Variants in CRMP1 observed in about 807,000 individuals in gnomAD.
CRMP1 encodes the protein collapsin response mediator protein 1.
In CRMP1, 19 loss-of-function variants were observed where a neutral mutation model predicts 68.3. That is an observed-to-expected ratio of 0.28 (90% CI 0.19 to 0.41). The LOEUF (loss-of-function observed/expected upper bound fraction) is 0.41. Ranked by LOEUF, CRMP1 falls within the 10% of genes least tolerant of loss-of-function variation. The pLI, the probability that CRMP1 is intolerant of heterozygous loss-of-function variation, is 1.00. For missense variants in CRMP1, 791 were observed against 967.4 expected (o/e 0.82, Z 2.42); for synonymous variants, 439 against 399.6 (o/e 1.10, Z -1.18).
Position 5,892,767 on chromosome 4 carries a change from C to G in CRMP1, c.203G>C (p.Gly68Ala). ...RGSARTPRSAGRPDAVGLPGP... is the reference protein window; with the variant it reads ...RGSARTPRSAARPDAVGLPGP... ...TGGCAGCCCGACCGCGTCGGGCCGG[C>G]CAGCGCTGCGCGGCGTGCGCGCCGA... Residue 68 changes from glycine to alanine, a missense_variant, in exon 1 of 14, where the codon GGC (glycine) becomes GCC (alanine). Physicochemically the swap from Gly to Ala is moderately conservative, Grantham distance 60. Around this residue, in one of 3 missense-constraint regions of CRMP1, gnomAD observed 193 missense variants for 186.3 expected, o/e 1.04. Transcript: ENST00000324989. This position sits in a 1 kb window ranked among gnomAD's most constrained non-coding sequence, Gnocchi z 8.6. 7.9e-7 allele frequency: 1 copy of G among 1,261,668 alleles called. No individual in the cohort carries two copies. Among genetic ancestry groups the G allele is most frequent in the Non-Finnish European group, 1.0e-6 (1 of 1,003,632 alleles). 78.2% of individuals were successfully genotyped at this position (1,261,668 alleles called of 1,614,324 possible). A position where few individuals can be genotyped will look rare whatever the true frequency, so the allele number is the denominator to read the frequency against.
At position 5,860,487 on chromosome 4, in the gene CRMP1, G is replaced by C. The variant is rs760237073; in HGVS notation, c.655+539C>G. Among the ~76,000 whole-genome samples, 2 of 152,180 alleles carry C rather than the reference G, an allele frequency of 1.3e-5. No homozygotes were observed. Among genetic ancestry groups the C allele is most frequent in the Non-Finnish European group, 2.9e-5 (2 of 68,046 alleles). On this transcript the variant is annotated intron_variant, in intron 3 of 13. Coordinates refer to ENST00000324989, the MANE Select transcript of CRMP1 (RefSeq NM_001014809.3). The surrounding 1 kb of genome is among the most constrained non-coding windows in gnomAD (Gnocchi z 4.2). ...GCGGTGTTATCACAGTATTACTGCA[G>C]CAATACTAATACAACCACTTCCCAG...
Position 5,889,110 on chromosome 4 carries a change from A to T in CRMP1, c.381+3479T>A, listed in dbSNP as rs867671158. 2.6e-5 allele frequency among the ~76,000 whole-genome samples: 4 copies of T among 152,070 alleles called. No homozygotes were observed. The Middle Eastern group carries it at 0.014, about 517-fold the overall frequency. ...ATCTCCAATGCCTTCCCCACCACGA[A>T]GCCTCTCCCTGCCACCCTCTCCATC... is the stretch of plus-strand genomic sequence containing the variant. On this transcript the variant is annotated intron_variant, in intron 1 of 13. Transcript: ENST00000324989. This position sits in a 1 kb window ranked among gnomAD's most constrained non-coding sequence, Gnocchi z 4.5.
At position 5,892,059 on chromosome 4, in the gene CRMP1, G is replaced by C. The variant is rs1013948089; in HGVS notation, c.381+530C>G. 1.3e-5 allele frequency among the ~76,000 whole-genome samples: 2 copies of C among 152,124 alleles called. No homozygotes were observed. The highest frequency in any genetic ancestry group is 2.9e-5 in the Non-Finnish European group (2 of 68,024). On this transcript the variant is annotated intron_variant, in intron 1 of 13. Coordinates refer to ENST00000324989, the MANE Select transcript of CRMP1 (RefSeq NM_001014809.3). The surrounding 1 kb of genome is among the most constrained non-coding windows in gnomAD (Gnocchi z 8.6). ...TCCTTCCCCCCAGCAAGCATGAGGG[G>C]AGCGCTCGGAAAAAAAGCTCCTTCC...
At chr4:5,844,141 G>T (rs770201077) in intron 6 of CRMP1, among the ~76,000 whole-genome samples, 4 of 152,102 alleles carry the variant, frequency 2.6e-5, no homozygotes, top group African/African-American at 4.8e-5. Context: ...TAAGCTCGAG[G>T]TTATTACAAG....
chr4:5,836,245 C>T (rs1379832808), intron 10 of CRMP1, among the ~76,000 whole-genome samples, 160 bp from the exon 11 acceptor site: 2 of 152,192 alleles, frequency 1.3e-5, no homozygotes, highest in Non-Finnish European at 1.5e-5. Context: ...CCCAGAAGGC[C>T]CAGCCTCATC....
At chr4:5,831,977 AG>A (rs1198162724) in intron 11 of CRMP1, among the ~76,000 whole-genome samples, 1 of 152,178 alleles carries the variant, frequency 6.6e-6, no homozygotes, top group East Asian at 1.9e-4. Flanking sequence ...CATCCCTACA[AG>A]GGGGTATTAT....
chr4:5,837,178 C>T (rs986368311), intron 9 of CRMP1, among the ~76,000 whole-genome samples: 1 of 152,134 alleles, frequency 6.6e-6, no homozygotes, highest in African/African-American at 2.4e-5. Flanking sequence ...AAGGGCTGGC[C>T]AGAGTGTTTG....
rs369382490 is a variant in CRMP1 at position 5,855,382 on chromosome 4, C to T, written c.820+761G>A. Among the ~76,000 whole-genome samples, 1 of 152,212 alleles carries T rather than the reference C, an allele frequency of 6.6e-6. No homozygotes were observed. The highest frequency in any genetic ancestry group is 2.4e-5 in the African/African-American group (1 of 41,446). ...GAGGCTGCCTCCTCAGAGGGCTCCC[C>T]GACTGCCCCTTTCTGGACAGATCGC... On this transcript the variant is annotated intron_variant, in intron 4 of 13. Coordinates refer to ENST00000324989, the MANE Select transcript of CRMP1 (RefSeq NM_001014809.3). The surrounding 1 kb of genome is among the most constrained non-coding windows in gnomAD (Gnocchi z 4.9).
chr4:5,827,667 CAT>C (rs1406798665), intron 12 of CRMP1, among the ~76,000 whole-genome samples: 2 of 151,848 alleles, frequency 1.3e-5, no homozygotes, highest in East Asian at 3.9e-4. Flanking sequence ...CATATGCACA[CAT>C]ACACACGTGC....
rs550845713 is a variant in CRMP1 at position 5,833,599 on chromosome 4, C to CCTAA, written c.1623+2312_1623+2315dup. Among the ~76,000 whole-genome samples, 28 of 152,196 alleles carry CCTAA rather than the reference C, an allele frequency of 1.8e-4. No homozygotes were observed. The East Asian group carries it at 4.5e-3, about 24-fold the overall frequency. On this transcript the variant is annotated intron_variant, in intron 11 of 13. Coordinates refer to ENST00000324989, the MANE Select transcript of CRMP1 (RefSeq NM_001014809.3). Reference sequence around the variant, plus strand: ...TTTCTCATTTATCAATAACAATATACCTAACTTAGAAGATCGTGAGGATTA... The same window carrying CCTAA: ...TTTCTCATTTATCAATAACAATATACCTAACTAACTTAGAAGATCGTGAGGATTA...
chr4:5,884,176 A>G (rs1289086326), intron 1 of CRMP1, among the ~76,000 whole-genome samples: 1 of 152,226 alleles, frequency 6.6e-6, no homozygotes, highest in Non-Finnish European at 1.5e-5. Context: ...ATGCATGACA[A>G]ATCACTGTGG....
chr4:5,893,029 C>T lies in CRMP1; in HGVS notation c.-60G>A. On this transcript the variant is annotated 5_prime_UTR_variant, in exon 1 of 14. Coordinates refer to ENST00000324989, the MANE Select transcript of CRMP1 (RefSeq NM_001014809.3). ...CCTGCCCGCCCGCGGCCCTGGGCACCGCCGTGCGCCGCGCTCCGCGCCTCG... is the reference window on the plus strand; with the variant it reads ...CCTGCCCGCCCGCGGCCCTGGGCACTGCCGTGCGCCGCGCTCCGCGCCTCG... The T allele has an allele frequency of 3.8e-6, 4 of 1,053,568 alleles. No individual in the cohort carries two copies. The highest frequency in any genetic ancestry group is 4.6e-6 in the Non-Finnish European group (4 of 865,948). 65.3% of individuals were successfully genotyped at this position (1,053,568 alleles called of 1,614,324 possible). A position where few individuals can be genotyped will look rare whatever the true frequency, so the allele number is the denominator to read the frequency against.
rs1553904006 is a variant in CRMP1, at chr4:5,837,678, T to TAAATA, written c.1311-777_1311-773dup. On this transcript the variant is annotated intron_variant, in intron 9 of 13. Transcript: ENST00000324989. Reference sequence around the variant, plus strand: ...TAAAATAAAATAAAATAAAATAAAATAAATAAAATAAAATAAAATAAAAAA... The same window carrying TAAATA: ...TAAAATAAAATAAAATAAAATAAAATAAATAAAATAAAATAAAATAAAATAAAAAA... 3.9e-3 allele frequency among the ~76,000 whole-genome samples: 496 copies of TAAATA among 126,300 alleles called. 7 individuals are homozygous for TAAATA. The highest frequency in any genetic ancestry group is 9.3e-3 in the African/African-American group (269 of 28,920). The allele number at this position is 126,300 out of a possible 152,430, so 82.9% of individuals were successfully genotyped here.
Position 5,892,770 on chromosome 4 carries a change from G to A in CRMP1, c.200C>T (p.Ala67Val). 1 of 1,280,654 alleles carries A rather than the reference G, an allele frequency of 7.8e-7. No individual in the cohort carries two copies. The highest frequency in any genetic ancestry group is 9.9e-7 in the Non-Finnish European group (1 of 1,011,980). 79.3% of individuals were successfully genotyped at this position (1,280,654 alleles called of 1,614,324 possible). A position where few individuals can be genotyped will look rare whatever the true frequency, so the allele number is the denominator to read the frequency against. ...CAGCCCGACCGCGTCGGGCCGGCCA[G>A]CGCTGCGCGGCGTGCGCGCCGAGCC... Reference protein sequence around the residue: ...RRGSARTPRSAGRPDAVGLPG... With the variant: ...RRGSARTPRSVGRPDAVGLPG... The change falls in exon 1 of 14, where the codon GCT becomes GTT. Residue 67 changes from alanine (A) to valine (V), a missense_variant. Around this residue, in one of 3 missense-constraint regions of CRMP1, gnomAD observed 193 missense variants for 186.3 expected, o/e 1.04. Transcript: ENST00000324989. This position sits in a 1 kb window ranked among gnomAD's most constrained non-coding sequence, Gnocchi z 8.6.
intron 3 of CRMP1, 109 bp from the exon 4 acceptor site, chr4:5,856,416 T>A: frequency 1.0e-6 from 1 of 987,744 alleles, no homozygotes; most frequent in Non-Finnish European, 1.5e-6. Flanking sequence ...ACCACCATCA[T>A]CATCATCACC....
At chr4:5,880,191 C>T (rs955755491) in intron 1 of CRMP1, among the ~76,000 whole-genome samples, 1 of 152,190 alleles carries the variant, frequency 6.6e-6, no homozygotes, top group Non-Finnish European at 1.5e-5. Flanking sequence ...AGAGAACATA[C>T]TGGGAATTTC....
rs754784868 is a variant in CRMP1 at position 5,825,682 on chromosome 4, TG to T, written c.1804-24del. On this transcript the variant is annotated intron_variant, in intron 12 of 13. Coordinates refer to ENST00000324989, the MANE Select transcript of CRMP1 (RefSeq NM_001014809.3). This position sits in a 1 kb window ranked among gnomAD's most constrained non-coding sequence, Gnocchi z 4.4. ...AACCTAAACAGAGGAAGGGAGAGTG[TG>T]ATTGATCGACACTGTGCATGTGTGC... is the stretch of plus-strand genomic sequence containing the variant. 1 of 1,610,646 alleles carries T rather than the reference TG, an allele frequency of 6.2e-7. No individual in the cohort carries two copies. Among genetic ancestry groups the T allele is most frequent in the Admixed American group, 1.7e-5 (1 of 59,502 alleles).
chr4:5,837,864 C>T (rs1218758373), intron 9 of CRMP1, among the ~76,000 whole-genome samples: 1 of 152,052 alleles, frequency 6.6e-6, no homozygotes. Flanking sequence ...TGCATGCTTC[C>T]TATGTGCCCG....
rs1713455184 is a variant in CRMP1 at position 5,860,418 on chromosome 4, T to C, written c.655+608A>G. Among the ~76,000 whole-genome samples, 2 of 152,138 alleles carry C rather than the reference T, an allele frequency of 1.3e-5. No homozygotes were observed. Among genetic ancestry groups the C allele is most frequent in the African/African-American group, 4.8e-5 (2 of 41,440 alleles). On this transcript the variant is annotated intron_variant, in intron 3 of 13. Coordinates refer to ENST00000324989, the MANE Select transcript of CRMP1 (RefSeq NM_001014809.3). The surrounding 1 kb of genome is among the most constrained non-coding windows in gnomAD (Gnocchi z 4.2). ...ACTCCCACTCCTGCACACCCTCAAATGAGAAAAACAAGTGTTGCTTAAGAT... is the reference window on the plus strand; with the variant it reads ...ACTCCCACTCCTGCACACCCTCAAACGAGAAAAACAAGTGTTGCTTAAGAT...
Sources: allele counts gnomAD v4.1 joint callset (sites outside exome capture counted in the v4.1 genomes callset), GRCh38; gene constraint gnomAD v4.1.1; regional missense constraint gnomAD v4.1.1; non-coding constraint Gnocchi (gnomAD v3.1); transcripts MANE v1.5; gene names NCBI Gene and HGNC (gene_info 2026-07-23, HGNC 2026-07-21).